ERG: variants seen among roughly 807,000 people sequenced by gnomAD.
ERG encodes the protein transcriptional regulator ERG.
A neutral mutation model predicts 55.3 loss-of-function variants in ERG; 9 were observed. The ratio of observed to expected loss-of-function variants is 0.16; its 90% CI spans 0.10 to 0.28. The LOEUF is 0.28. ERG is among the 10% of genes least tolerant of loss of function. The pLI is 1.00. For synonymous variants in ERG, 223 were observed against 237.3 expected (o/e 0.94, Z 0.55); for missense variants, 434 against 631.6 (o/e 0.69, Z 3.35).
In ERG at chr21:38,647,167, T is replaced by C. The variant is rs1262393181; in HGVS notation, c.-150+14491A>G. 4.6e-5 allele frequency among the ~76,000 whole-genome samples: 7 copies of C among 152,168 alleles called. 1 individual carries two copies. The highest frequency in any genetic ancestry group is 9.7e-5 in the African/African-American group (4 of 41,436). On this transcript the variant is annotated intron_variant, in intron 1 of 10. Transcript: ENST00000398910. Reference sequence around the variant, plus strand: ...GGGAGCTGTCATCCATCTTTTGTTTTCTCATTATCAGTTTTCAGGCCACGT... The same window carrying C: ...GGGAGCTGTCATCCATCTTTTGTTTCCTCATTATCAGTTTTCAGGCCACGT...
At chr21:38,443,228 C>G (rs986860388) in intron 2 of ERG, among the ~76,000 whole-genome samples, 1 of 152,250 alleles carries the variant, frequency 6.6e-6, no homozygotes, top group African/African-American at 2.4e-5. Context: ...TGAATCCAGA[C>G]TGGCCCCAGG....
At chr21:38,624,155 T>C (rs906254024) in intron 1 of ERG, among the ~76,000 whole-genome samples, 8 of 152,086 alleles carry the variant, frequency 5.3e-5, no homozygotes, top group African/African-American at 1.7e-4. Context: ...CTGGCCATGC[T>C]CCACCACCCA....
At chr21:38,543,612 C>T (rs1280046295) in intron 2 of ERG, among the ~76,000 whole-genome samples, 1 of 151,896 alleles carries the variant, frequency 6.6e-6, no homozygotes, top group African/African-American at 2.4e-5. Context: ...AACCCCTGCT[C>T]TTGTGGAGTT....
chr21:38,639,298 T>C (rs948591032), intron 1 of ERG, among the ~76,000 whole-genome samples: 5 of 151,738 alleles, frequency 3.3e-5, no homozygotes, highest in African/African-American at 4.8e-5. Context: ...TTCCAAGCAT[T>C]AGAAATGATG....
downstream of ERG, among the ~76,000 whole-genome samples, chr21:38,375,029 A>C (rs1987205708): frequency 6.6e-6 from 1 of 152,178 alleles, no homozygotes; most frequent in African/African-American, 2.4e-5. Context: ...TCAGCCCACT[A>C]TATGAGTATG....
intron 1 of ERG, among the ~76,000 whole-genome samples, chr21:38,639,802 AAGGCCC>A (rs2060412512): frequency 6.6e-6 from 1 of 152,202 alleles, no homozygotes; most frequent in African/African-American, 2.4e-5. Context: ...AAGGGAATCA[AAGGCCC>A]AGCCAAGCCA....
intron 2 of ERG, among the ~76,000 whole-genome samples, chr21:38,557,488 C>T (rs969277723): frequency 2.6e-5 from 4 of 151,956 alleles, no homozygotes; most frequent in Non-Finnish European, 5.9e-5. Flanking sequence ...AGACATCCCC[C>T]GGACTTCTGG....
intron 5 of ERG, 119 bp from the exon 6 acceptor site, chr21:38,400,764 G>T: frequency 1.5e-6 from 1 of 687,840 alleles, no homozygotes; most frequent in South Asian, 1.9e-5. Flanking sequence ...CCTCAAACCT[G>T]CCTTAACAGA....
chr21:38,501,221 A>G (rs924468132), upstream of ERG, among the ~76,000 whole-genome samples: 4 of 151,522 alleles, frequency 2.6e-5, no homozygotes, highest in Admixed American at 2.6e-4. Flanking sequence ...GCCCGCCACC[A>G]CACCTGGCTA....
At chr21:38,402,780 T>C (rs529402148) in intron 4 of ERG, 143 bp from the exon 5 acceptor site, 66 of 615,946 alleles carry the variant, frequency 1.1e-4, no homozygotes, top group Admixed American at 2.8e-4. Context: ...CACACTAACA[T>C]CATGGGAAGC....
intron 3 of ERG, among the ~76,000 whole-genome samples, chr21:38,419,770 C>CT (rs892207736): frequency 2.6e-5 from 4 of 151,748 alleles, no homozygotes; most frequent in Non-Finnish European, 5.9e-5. Context: ...TTTTTTGACA[C>CT]TTTTTTTATG....
chr21:38,477,708 G>T (rs1356872672), intron 1 of ERG, among the ~76,000 whole-genome samples: 2 of 152,166 alleles, frequency 1.3e-5, no homozygotes, highest in African/African-American at 4.8e-5. Flanking sequence ...TAGGTAAAGG[G>T]TAAGGGCCCT....
intron 9 of ERG, among the ~76,000 whole-genome samples, chr21:38,385,418 C>T (rs1270009010): frequency 6.6e-6 from 1 of 152,168 alleles, no homozygotes; most frequent in African/African-American, 2.4e-5. Context: ...CTGACATCTA[C>T]TCAGGGAAGT....
intron 3 of ERG, among the ~76,000 whole-genome samples, chr21:38,408,224 T>C (rs957255017): frequency 1.3e-5 from 2 of 152,120 alleles, no homozygotes; most frequent in Admixed American, 6.5e-5. Context: ...TCCGGAGGTG[T>C]TGCAATAGAG....
rs74495170 is a variant in ERG at position 38,635,397 on chromosome 21, T to C, written c.-150+26261A>G. ...GTGATAATGATGTGCCAACCTAGAT[T>C]TATCAATTGTAACAAATATAACACA... On this transcript the variant is annotated intron_variant, in intron 1 of 10. Coordinates refer to the ERG transcript ENST00000398910. 5.9e-4 allele frequency among the ~76,000 whole-genome samples: 90 copies of C among 152,142 alleles called. 3 individuals carry two copies. The East Asian group carries it at 0.012, about 20-fold the overall frequency.
intron 2 of ERG, among the ~76,000 whole-genome samples, chr21:38,429,549 GTATATGTACA>G (rs59029449): frequency 6.1e-4 from 15 of 24,696 alleles, no homozygotes; most frequent in African/African-American, 9.5e-4. Flanking sequence ...ATACATATGT[GTATATGTACA>G]TGTATACACA....
intron 2 of ERG, among the ~76,000 whole-genome samples, chr21:38,559,341 G>A (rs1341712336): frequency 6.8e-6 from 1 of 146,920 alleles, no homozygotes; most frequent in Non-Finnish European, 1.5e-5. Context: ...CAATGGACTT[G>A]GTAAAAAAAA....
chr21:38,657,537 T>C (rs899674881), intron 1 of ERG, among the ~76,000 whole-genome samples: 3 of 152,206 alleles, frequency 2.0e-5, no homozygotes, highest in Non-Finnish European at 2.9e-5. Flanking sequence ...ACATGAAGCA[T>C]TCAAGCCTCT....
At chr21:38,512,747 T>C (rs2059522058) in intron 2 of ERG, among the ~76,000 whole-genome samples, 1 of 152,198 alleles carries the variant, frequency 6.6e-6, no homozygotes, top group Non-Finnish European at 1.5e-5. Flanking sequence ...AAAACAAGTG[T>C]GTGCTACCTT....
Sources: allele counts gnomAD v4.1 joint callset (sites outside exome capture counted in the v4.1 genomes callset), GRCh38; gene constraint gnomAD v4.1.1; transcripts MANE v1.5; gene names NCBI Gene and HGNC (gene_info 2026-07-23, HGNC 2026-07-21).